The following PTPDC1 variants were observed in gnomAD, a reference collection of about 807,000 sequenced individuals.
PTPDC1 encodes the protein protein tyrosine phosphatase domain containing 1.
In PTPDC1, 53 loss-of-function variants were observed where a neutral mutation model predicts 75.3. That is an observed-to-expected ratio of 0.70 (90% CI 0.56 to 0.88). The LOEUF is 0.88. Among genes scored for constraint, PTPDC1 ranks in the 40% least tolerant of loss-of-function variants. The pLI, the probability that PTPDC1 is intolerant of heterozygous loss-of-function variation, is 0.00. For missense variants in PTPDC1, 925 were observed against 998.6 expected (o/e 0.93, Z 0.99); for synonymous variants, 349 against 366.2 (o/e 0.95, Z 0.54).
At chr9:94,064,676 T>C in intron 1 of PTPDC1, 6 of 1,211,470 alleles carry the variant, frequency 5.0e-6, no homozygotes, top group Non-Finnish European at 7.2e-6. Flanking sequence ...ATATTTTGGG[T>C]GATTAATAAA....
rs1002143131 is a variant in PTPDC1 at position 94,084,778 on chromosome 9, T to C, written c.244+4T>C. 3.2e-6 allele frequency: 5 copies of C among 1,545,136 alleles called. No individual in the cohort carries two copies. The African/African-American group carries it at 5.5e-5, about 17-fold the overall frequency. The stretch of plus-strand genomic sequence containing the variant: ...TTCCCCGAAAGAAAAAGTAAAGGTC[T>C]CTTTCTTCTTATAGATTGCCATACC... On this transcript the variant is annotated splice_donor_region_variant and intron_variant, in intron 1 of 8. Coordinates refer to ENST00000620992, the MANE Select transcript of PTPDC1 (RefSeq NM_001253829.2).
At chr9:94,076,244 T>A (rs1390097810) in intron 2 of PTPDC1, among the ~76,000 whole-genome samples, 1 of 152,170 alleles carries the variant, frequency 6.6e-6, no homozygotes, top group Non-Finnish European at 1.5e-5. Context: ...CCTCAGGTAA[T>A]CCACCTGCCT....
intron 1 of PTPDC1, among the ~76,000 whole-genome samples, chr9:94,031,356 C>T (rs988998568): frequency 1.3e-5 from 2 of 152,032 alleles, no homozygotes; most frequent in Non-Finnish European, 2.9e-5. Context: ...TGGCGAGTGC[C>T]TCTCAACTGC....
In PTPDC1 at chr9:94,101,640, G is replaced by T. The variant is rs755406915; in HGVS notation, c.2088G>T (p.Leu696Phe). ...GERDPFILCS[L>F]MWSWVEQLKE... ...GGGACCCTTTCATCCTATGCAGCTT[G>T]ATGTGGTCTTGGGTGGAGCAACTGA... The change falls in exon 7 of 9, where the codon TTG (leucine) becomes TTT (phenylalanine). Residue 696 changes from leucine (L) to phenylalanine (F), a missense_variant. Leu to Phe is a conservative substitution (Grantham distance 22). Transcript: ENST00000620992. 5 of 1,613,952 alleles carry T rather than the reference G, an allele frequency of 3.1e-6. No individual in the cohort carries two copies. The African/African-American group carries it at 6.7e-5, about 22-fold the overall frequency.
At position 94,097,686 on chromosome 9, in the gene PTPDC1, A is replaced by G; in HGVS notation, c.1120A>G (p.Ile374Val). 1 of 1,614,230 alleles carries G rather than the reference A, an allele frequency of 6.2e-7. No individual in the cohort carries two copies. Among genetic ancestry groups the G allele is most frequent in the Non-Finnish European group, 8.5e-7 (1 of 1,180,040 alleles). ...CGAAGGACCTGGTCTCTCTGCTGAA[A>G]TAGAAAAGACAATGTCTGAGATGGT... Reference protein sequence around the residue: ...VSEGPGLSAEIEKTMSEMVTM... With the variant: ...VSEGPGLSAEVEKTMSEMVTM... The change falls in exon 6 of 9, where the codon ATA becomes GTA. Residue 374 changes from isoleucine to valine, a missense_variant. Transcript: ENST00000620992.
chr9:94,109,536 G>A lies in PTPDC1; in HGVS notation c.*1592G>A, dbSNP rs556008206. 3 of 152,294 alleles carry A rather than the reference G, an allele frequency of 2.0e-5. No individual in the cohort carries two copies. The highest frequency in any genetic ancestry group is 2.0e-4 in the Admixed American group (3 of 15,302). 9.4% of individuals were successfully genotyped at this position (152,294 alleles called of 1,614,324 possible). On this transcript the variant is annotated 3_prime_UTR_variant, in exon 9 of 9. Coordinates refer to ENST00000620992, the MANE Select transcript of PTPDC1 (RefSeq NM_001253829.2). ...GAAATGTCTTATTTTCAAGTGCCTG[G>A]CCTGGGAAAGAAGGGGAAGAAACAA...
chr9:94,104,194 C>A, intron 7 of PTPDC1, 81 bp from the exon 8 acceptor site: 1 of 865,572 alleles, frequency 1.2e-6, no homozygotes, highest in Non-Finnish European at 1.8e-6. Context: ...CAAACCAATT[C>A]TTGACTCTAC....
intron 4 of PTPDC1, among the ~76,000 whole-genome samples, chr9:94,091,065 C>T (rs944572744): frequency 5.3e-5 from 8 of 151,480 alleles, no homozygotes; most frequent in Admixed American, 2.0e-4. Flanking sequence ...CAATTGAATA[C>T]CCTTTATTTC....
At chr9:94,088,824 T>G (rs1199735530) in intron 4 of PTPDC1, among the ~76,000 whole-genome samples, 1 of 152,172 alleles carries the variant, frequency 6.6e-6, no homozygotes, top group Admixed American at 6.5e-5. Flanking sequence ...TAAACAATCT[T>G]GGAACTTGTT....
At chr9:94,094,765 G>A (rs75811570) in intron 4 of PTPDC1, among the ~76,000 whole-genome samples, 5 of 151,998 alleles carry the variant, frequency 3.3e-5, no homozygotes, top group Admixed American at 2.6e-4. Flanking sequence ...CCAGGTGCGG[G>A]ATATAATCTT....
intron 4 of PTPDC1, among the ~76,000 whole-genome samples, chr9:94,094,726 G>A (rs77532937): frequency 1.3e-5 from 2 of 152,212 alleles, no homozygotes; most frequent in African/African-American, 4.8e-5. Flanking sequence ...AACAATCAGC[G>A]AGACTCCGTG....
At chr9:94,047,711 C>T (rs554895457) in intron 1 of PTPDC1, among the ~76,000 whole-genome samples, 15 of 151,922 alleles carry the variant, frequency 9.9e-5, no homozygotes, top group African/African-American at 1.4e-4. Context: ...ATCAAATAGA[C>T]GCAATAAAAA....
chr9:94,082,650 T>C (rs1826923217), upstream of PTPDC1, among the ~76,000 whole-genome samples: 1 of 152,198 alleles, frequency 6.6e-6, no homozygotes, highest in Non-Finnish European at 1.5e-5. Context: ...CACCTCATTG[T>C]TGGGAACACT....
chr9:94,096,121 C>T (rs935415740), intron 5 of PTPDC1, among the ~76,000 whole-genome samples: 1 of 152,172 alleles, frequency 6.6e-6, no homozygotes, highest in African/African-American at 2.4e-5. Context: ...CATTACAGTG[C>T]TGATATTGGG....
chr9:94,046,281 T>A (rs1825596422), intron 1 of PTPDC1, among the ~76,000 whole-genome samples: 1 of 152,224 alleles, frequency 6.6e-6, no homozygotes, highest in African/African-American at 2.4e-5. Flanking sequence ...GGTAGCATGA[T>A]GCCTCCAGCT....
intron 2 of PTPDC1, 85 bp downstream of exon 2, chr9:94,085,507 G>A: frequency 6.9e-7 from 1 of 1,454,506 alleles, no homozygotes; most frequent in Non-Finnish European, 9.5e-7. Context: ...AGTGTGGGAG[G>A]AGCAGTGTGG....
intron 8 of PTPDC1, among the ~76,000 whole-genome samples, chr9:94,107,092 T>G (rs1348919612): frequency 6.6e-6 from 1 of 152,160 alleles, no homozygotes; most frequent in Non-Finnish European, 1.5e-5. Flanking sequence ...TAGCTGGGAC[T>G]ACAGGCATGT....
intron 1 of PTPDC1, among the ~76,000 whole-genome samples, chr9:94,046,477 G>A (rs754159499): frequency 1.7e-3 from 255 of 152,278 alleles, no homozygotes; most frequent in Non-Finnish European, 2.3e-3. Flanking sequence ...CTACCTATGA[G>A]CATGGAATGT....
intron 1 of PTPDC1, among the ~76,000 whole-genome samples, chr9:94,064,286 C>T (rs1689634626): frequency 6.6e-6 from 1 of 152,204 alleles, no homozygotes; most frequent in African/African-American, 2.4e-5. Context: ...ACTGACATGA[C>T]TTCTACCCCT....
Sources: allele counts gnomAD v4.1 joint callset (sites outside exome capture counted in the v4.1 genomes callset), GRCh38; gene constraint gnomAD v4.1.1; transcripts MANE v1.5; gene names NCBI Gene and HGNC (gene_info 2026-07-23, HGNC 2026-07-21).